The following FAM78B variants were observed in gnomAD, a reference collection of about 807,000 sequenced individuals.
The protein encoded by FAM78B is protein FAM78B.
A neutral mutation model predicts 20.0 loss-of-function variants in FAM78B; 10 were observed. The observed-to-expected ratio is 0.50, with a 90% CI of 0.31 to 0.85. FAM78B has a LOEUF of 0.85. Among genes scored for constraint, FAM78B ranks in the 40% least tolerant of loss-of-function variants. FAM78B has a pLI of 0.05. For synonymous variants in FAM78B, 135 were observed against 132.8 expected (o/e 1.02, Z -0.12); for missense variants, 283 against 345.0 (o/e 0.82, Z 1.42).
At chr1:166,081,693 C>G (rs1652585510) in intron 1 of FAM78B, among the ~76,000 whole-genome samples, 2 of 152,170 alleles carry the variant, frequency 1.3e-5, no homozygotes, top group Non-Finnish European at 2.9e-5. Flanking sequence ...GGTCAGATGC[C>G]TTCCCACAGG....
intron 1 of FAM78B, among the ~76,000 whole-genome samples, chr1:166,075,722 G>C (rs777892236): frequency 5.9e-5 from 9 of 152,098 alleles, no homozygotes; most frequent in Non-Finnish European, 4.4e-5. Context: ...TAACATTGGA[G>C]GGCCCCAGGG....
At chr1:166,109,044 A>G (rs114820103) in intron 1 of FAM78B, among the ~76,000 whole-genome samples, 2,216 of 152,272 alleles carry the variant, frequency 0.015, 59 homozygotes, top group African/African-American at 0.051. Flanking sequence ...AAGACCCAAA[A>G]CTATAAAAAT....
rs537503620 is a variant in FAM78B at position 166,061,536 on chromosome 1, C to T, written c.*410-873G>A. On this transcript the variant is annotated intron_variant and NMD_transcript_variant, in intron 2 of 2. Transcript: ENST00000435676. ...AGGCAGATGGTAAAAAAAACTTGTT[C>T]CAATTGTTTGAAGTCAGTAGACAAC... 2.4e-4 allele frequency among the ~76,000 whole-genome samples: 37 copies of T among 152,206 alleles called. 1 individual carries two copies. The highest frequency in any genetic ancestry group is 2.3e-3 in the Admixed American group (35 of 15,284).
At chr1:166,114,962 T>C (rs901860701) in intron 1 of FAM78B, among the ~76,000 whole-genome samples, 4 of 152,144 alleles carry the variant, frequency 2.6e-5, no homozygotes, top group Non-Finnish European at 5.9e-5. Context: ...TCTCCATTGA[T>C]AGCATAGAGG....
intron 1 of FAM78B, among the ~76,000 whole-genome samples, chr1:166,150,718 A>G (rs1413929028): frequency 1.3e-5 from 2 of 152,334 alleles, no homozygotes; most frequent in East Asian, 3.9e-4. Flanking sequence ...AATTACCAAG[A>G]ATATAGAACA....
intron 1 of FAM78B, among the ~76,000 whole-genome samples, chr1:166,109,514 T>C (rs1653914924): frequency 6.6e-6 from 1 of 151,754 alleles, no homozygotes; most frequent in Admixed American, 6.6e-5. Context: ...AAACAGTAGA[T>C]GGTGGTGTGG....
chr1:166,104,404 A>C (rs1163626512), intron 1 of FAM78B, among the ~76,000 whole-genome samples: 1 of 152,184 alleles, frequency 6.6e-6, no homozygotes, highest in East Asian at 1.9e-4. Flanking sequence ...GGAAAAGAGG[A>C]AGTCAAATTG....
At chr1:166,104,360 C>T (rs1359631833) in intron 1 of FAM78B, among the ~76,000 whole-genome samples, 1 of 152,076 alleles carries the variant, frequency 6.6e-6, no homozygotes, top group Non-Finnish European at 1.5e-5. Flanking sequence ...CCAGGGCAAT[C>T]AGGCAGGAGA....
At chr1:166,112,569 T>TAAAAG (rs1470496644) in intron 1 of FAM78B, among the ~76,000 whole-genome samples, 1 of 151,944 alleles carries the variant, frequency 6.6e-6, no homozygotes, top group East Asian at 1.9e-4. Context: ...ACAAAAGGAG[T>TAAAAG]ACACACTAAC....
At chr1:166,073,572 A>G (rs1192076147) in intron 1 of FAM78B, among the ~76,000 whole-genome samples, 1 of 145,322 alleles carries the variant, frequency 6.9e-6, no homozygotes, top group Non-Finnish European at 1.5e-5. Flanking sequence ...AGTTGTGTCT[A>G]TAAAATGCAT....
At chr1:166,062,355 G>A (rs1166453611) in intron 2 of FAM78B, among the ~76,000 whole-genome samples, 1 of 152,206 alleles carries the variant, frequency 6.6e-6, no homozygotes, top group African/African-American at 2.4e-5. Flanking sequence ...TTCTACTGAA[G>A]AGAAAAAGAC....
chr1:166,156,772 C>A (rs1396727855), intron 1 of FAM78B, among the ~76,000 whole-genome samples: 6 of 152,108 alleles, frequency 3.9e-5, no homozygotes, highest in African/African-American at 1.4e-4. Flanking sequence ...GCATGAACAG[C>A]ATGGCTCACA....
At chr1:166,064,986 C>T (rs1651746772), downstream of FAM78B, among the ~76,000 whole-genome samples, 1 of 152,162 alleles carries the variant, frequency 6.6e-6, no homozygotes, top group South Asian at 2.1e-4. Flanking sequence ...CTCAGAGCAC[C>T]CAACTGGGCC....
chr1:166,119,838 A>G (rs1225642303), intron 1 of FAM78B, among the ~76,000 whole-genome samples: 3 of 152,224 alleles, frequency 2.0e-5, no homozygotes, highest in Admixed American at 6.5e-5. Context: ...GAACATGTGC[A>G]TGGTTCTCCA....
At chr1:166,157,698 A>G (rs1655963161) in intron 1 of FAM78B, among the ~76,000 whole-genome samples, 1 of 152,102 alleles carries the variant, frequency 6.6e-6, no homozygotes, top group African/African-American at 2.4e-5. Flanking sequence ...ATCCACCCGA[A>G]CAGCAACTGC....
chr1:166,084,238 C>CACACA (rs59324558), intron 1 of FAM78B, among the ~76,000 whole-genome samples: 128 of 62,960 alleles, frequency 2.0e-3, no homozygotes, highest in African/African-American at 5.9e-3. Flanking sequence ...CACACACACA[C>CACACA]TCTCTCTCTC....
chr1:166,060,491 T>C (rs1208961173), exon 3 of FAM78B: 2 of 740,096 alleles, frequency 2.7e-6, no homozygotes, highest in South Asian at 1.4e-5. Flanking sequence ...TAGGAGGGAC[T>C]GGTCACGGGA....
At chr1:166,159,025 A>G (rs1656031985) in intron 1 of FAM78B, among the ~76,000 whole-genome samples, 2 of 152,342 alleles carry the variant, frequency 1.3e-5, no homozygotes, top group Admixed American at 1.3e-4. Flanking sequence ...TTTTCTTATC[A>G]GTAGATCAAA....
chr1:166,070,836 C>T, intron 1 of FAM78B, 73 bp from the exon 2 acceptor site: 3 of 1,467,200 alleles, frequency 2.0e-6, no homozygotes, highest in Non-Finnish European at 2.7e-6. Context: ...GAGGTGCTCA[C>T]TGCTTACTAA....
Sources: allele counts gnomAD v4.1 joint callset (sites outside exome capture counted in the v4.1 genomes callset), GRCh38; gene constraint gnomAD v4.1.1; transcripts MANE v1.5; gene names NCBI Gene and HGNC (gene_info 2026-07-23, HGNC 2026-07-21).